TAMM41: variants seen among roughly 807,000 people sequenced by gnomAD.
TAMM41 encodes phosphatidate cytidylyltransferase, mitochondrial.
Under a neutral mutation model 44.1 loss-of-function variants are expected in TAMM41, and 36 were observed. The ratio of observed to expected loss-of-function variants is 0.82; its 90% CI spans 0.63 to 1.08. The LOEUF is 1.08. Ranked by LOEUF, TAMM41 falls within the 50% of genes least tolerant of loss-of-function variation. The pLI, the probability that TAMM41 is intolerant of heterozygous loss-of-function variation, is 0.00. For synonymous variants in TAMM41, 164 were observed against 153.1 expected, an observed-to-expected ratio of 1.07 and a Z score of -0.53; for missense variants, 417 against 404.3, an observed-to-expected ratio of 1.03 and a Z score of -0.27.
At chr3:11,777,650 C>T in the TAMM41 span, among the ~76,000 whole-genome samples, 1 of 152,030 alleles carries the variant, frequency 6.6e-6, no homozygotes, top group Non-Finnish European at 1.5e-5. Context: ...AAAAATTAGC[C>T]GGGTGTGGCA....
the TAMM41 span, among the ~76,000 whole-genome samples, chr3:11,784,398 G>A: frequency 5.4e-3 from 826 of 152,330 alleles, 11 homozygotes; most frequent in African/African-American, 0.018. Context: ...AGGAGGCTGA[G>A]GTGGGAGAAT....
At chr3:11,803,465 G>C (rs1299292498) in intron 7 of TAMM41, among the ~76,000 whole-genome samples, 2 of 152,164 alleles carry the variant, frequency 1.3e-5, no homozygotes, top group East Asian at 3.8e-4. Flanking sequence ...CACTGTTGAA[G>C]GGAATCTAAA....
chr3:11,813,747 G>C lies in TAMM41; in HGVS notation c.708+3445C>G, dbSNP rs1001088357. ...GAGGATCGCTTGAGCCCAGGAGTTC[G>C]AGACCAGCCAGGGCCAACAAAGTGG... is the stretch of plus-strand genomic sequence containing the variant. On this transcript the variant is annotated intron_variant, in intron 5 of 7. Transcript: ENST00000455809. Among the ~76,000 whole-genome samples the C allele has an allele frequency of 4.0e-5, 6 of 151,590 alleles. No individual in the cohort carries two copies. The East Asian group carries it at 1.2e-3, about 29-fold the overall frequency.
At chr3:11,827,573 T>G (rs2125023414) in intron 4 of TAMM41, among the ~76,000 whole-genome samples, 1 of 147,448 alleles carries the variant, frequency 6.8e-6, no homozygotes, top group African/African-American at 2.5e-5. Flanking sequence ...CCTCTCAAAT[T>G]GCTGGGATTA....
chr3:11,809,829 T>C (rs2078034278), intron 5 of TAMM41, 147 bp from the exon 6 acceptor site: 1 of 712,640 alleles, frequency 1.4e-6, no homozygotes, highest in Non-Finnish European at 2.3e-6. Flanking sequence ...AACTCTCTTT[T>C]TCTGAAACTG....
the TAMM41 span, among the ~76,000 whole-genome samples, chr3:11,740,663 A>G: frequency 6.6e-6 from 1 of 151,540 alleles, no homozygotes; most frequent in African/African-American, 2.4e-5. Flanking sequence ...GCTCACCACA[A>G]CCTCCGCCTC....
chr3:11,728,637 C>T, the TAMM41 span, among the ~76,000 whole-genome samples: 7 of 152,180 alleles, frequency 4.6e-5, no homozygotes, highest in Non-Finnish European at 8.8e-5. Context: ...GTGACCTGAG[C>T]TTCATGCCCC....
chr3:11,827,056 T>A (rs1211880609), intron 4 of TAMM41, among the ~76,000 whole-genome samples: 1 of 152,238 alleles, frequency 6.6e-6, no homozygotes, highest in Non-Finnish European at 1.5e-5. Flanking sequence ...TCACTGTGAC[T>A]GCATGTTATT....
At chr3:11,841,560 T>G (rs2079443095) in intron 2 of TAMM41, among the ~76,000 whole-genome samples, 2 of 152,228 alleles carry the variant, frequency 1.3e-5, no homozygotes, top group South Asian at 2.1e-4. Flanking sequence ...AAAAGTAGTC[T>G]TTTGGCATAT....
chr3:11,785,699 T>C (rs113692648), downstream of TAMM41, among the ~76,000 whole-genome samples: 14 of 152,044 alleles, frequency 9.2e-5, 1 homozygote, highest in African/African-American at 3.4e-4. Context: ...ACTGCAGCCT[T>C]GACCTCCCGG....
At chr3:11,840,894 T>C (rs1216506248) in intron 2 of TAMM41, among the ~76,000 whole-genome samples, 3 of 152,146 alleles carry the variant, frequency 2.0e-5, no homozygotes, top group Non-Finnish European at 4.4e-5. Flanking sequence ...CAATGCTCTT[T>C]TCATTACAAA....
intron 4 of TAMM41, among the ~76,000 whole-genome samples, chr3:11,824,357 ATTT>A (rs34155955): frequency 9.5e-6 from 1 of 105,122 alleles, no homozygotes. Flanking sequence ...TGCCTGGCTA[ATTT>A]TTTTTTTTTT....
At chr3:11,839,380 A>C in intron 2 of TAMM41, 66 bp from the exon 3 acceptor site, 15 of 1,034,676 alleles carry the variant, frequency 1.4e-5, no homozygotes, top group Non-Finnish European at 2.0e-5. Context: ...ACAAGTATAA[A>C]ATATAAGGAA....
chr3:11,811,218 T>C (rs991937820), intron 5 of TAMM41: 1 of 152,260 alleles, frequency 6.6e-6, no homozygotes, highest in African/African-American at 2.4e-5. Context: ...AAATATTTGA[T>C]ATTTATCACT....
the TAMM41 span, among the ~76,000 whole-genome samples, chr3:11,743,990 TAGCC>T: frequency 6.6e-6 from 1 of 152,288 alleles, no homozygotes; most frequent in East Asian, 1.9e-4. Context: ...AGTACAACCA[TAGCC>T]AGTGCTATTA....
chr3:11,787,740 A>G (rs1321618838), downstream of TAMM41, among the ~76,000 whole-genome samples: 1 of 152,230 alleles, frequency 6.6e-6, no homozygotes, highest in African/African-American at 2.4e-5. Context: ...CATCATAGAT[A>G]TAGAAACTAA....
chr3:11,764,745 GT>G, the TAMM41 span, among the ~76,000 whole-genome samples: 1 of 151,884 alleles, frequency 6.6e-6, no homozygotes, highest in African/African-American at 2.4e-5. Flanking sequence ...GCCTGCCTCG[GT>G]CTCCCAAAGT....
At chr3:11,760,902 C>T in the TAMM41 span, among the ~76,000 whole-genome samples, 1 of 150,252 alleles carries the variant, frequency 6.7e-6, no homozygotes, top group African/African-American at 2.4e-5. Flanking sequence ...CGTGGTGGCT[C>T]ACATCTGTAA....
chr3:11,827,041 C>G (rs2078779545), intron 4 of TAMM41, among the ~76,000 whole-genome samples: 1 of 152,202 alleles, frequency 6.6e-6, no homozygotes, highest in Non-Finnish European at 1.5e-5. Flanking sequence ...AAGTCTACCA[C>G]TGACTCACTG....
Sources: allele counts gnomAD v4.1 joint callset (sites outside exome capture counted in the v4.1 genomes callset), GRCh38; gene constraint gnomAD v4.1.1; transcripts MANE v1.5; gene names NCBI Gene and HGNC (gene_info 2026-07-23, HGNC 2026-07-21).